The following IGSF11 variants were observed in gnomAD, a reference collection of about 807,000 sequenced individuals.
IGSF11 encodes the protein CXADR like 1.
A neutral mutation model predicts 41.0 loss-of-function variants in IGSF11; 22 were observed. The observed-to-expected ratio is 0.54, with a 90% CI of 0.38 to 0.77. The LOEUF (loss-of-function observed/expected upper bound fraction) is 0.77. Ranked by LOEUF, IGSF11 falls within the 30% of genes least tolerant of loss-of-function variation. The pLI, the probability that IGSF11 is intolerant of heterozygous loss-of-function variation, is 0.00. For missense variants in IGSF11, 444 were observed against 530.8 expected, an observed-to-expected ratio of 0.84 and a Z score of 1.61; for synonymous variants, 219 against 201.3, an observed-to-expected ratio of 1.09 and a Z score of -0.74.
chr3:119,034,911 A>G (rs997873438), upstream of IGSF11: 5 of 994,324 alleles, frequency 5.0e-6, no homozygotes, highest in Non-Finnish European at 6.3e-6. Context: ...CTCCAGCCGC[A>G]GCTCGGCTCC....
chr3:119,127,402 T>C (rs577540743), intron 1 of IGSF11, among the ~76,000 whole-genome samples: 28 of 151,956 alleles, frequency 1.8e-4, no homozygotes, highest in African/African-American at 6.3e-4. Context: ...CTACGATTGA[T>C]TGGAGTACCA....
intron 1 of IGSF11, among the ~76,000 whole-genome samples, chr3:119,055,407 C>A (rs1941791184): frequency 6.6e-6 from 1 of 152,140 alleles, no homozygotes; most frequent in African/African-American, 2.4e-5. Flanking sequence ...ATCAATTCAA[C>A]AAGAAGAGCT....
intron 1 of IGSF11, among the ~76,000 whole-genome samples, chr3:119,051,452 A>G (rs2107435922): frequency 6.6e-6 from 1 of 152,310 alleles, no homozygotes; most frequent in East Asian, 1.9e-4. Context: ...ACATGCACCT[A>G]ACACTGGATC....
intron 1 of IGSF11, among the ~76,000 whole-genome samples, chr3:118,963,977 T>G (rs1340418651): frequency 2.0e-5 from 3 of 152,156 alleles, no homozygotes; most frequent in African/African-American, 4.8e-5. Flanking sequence ...GTCTAAGCAA[T>G]GTTTTTTAGG....
Position 119,034,669 on chromosome 3 carries a change from G to T in IGSF11, c.-87C>A, listed in dbSNP as rs1264177377. ...CGGGCGTGAGTCTCCGCGCTCTTGGGGCAGCCTGGTCCTCCCACACCCAGC... is the reference window on the plus strand; with the variant it reads ...CGGGCGTGAGTCTCCGCGCTCTTGGTGCAGCCTGGTCCTCCCACACCCAGC... On this transcript the variant is annotated 5_prime_UTR_variant, in exon 1 of 7. Transcript: ENST00000393775. 1.0e-5 allele frequency: 15 copies of T among 1,453,374 alleles called. No individual in the cohort carries two copies. The highest frequency in any genetic ancestry group is 1.3e-5 in the Non-Finnish European group (14 of 1,094,716). The allele number at this position is 1,453,374 out of a possible 1,614,324, so 90.0% of individuals were successfully genotyped here. A position where few individuals can be genotyped will look rare whatever the true frequency, so the allele number is the denominator to read the frequency against.
chr3:118,960,360 T>C (rs759010623), intron 1 of IGSF11, among the ~76,000 whole-genome samples: 6 of 152,220 alleles, frequency 3.9e-5, no homozygotes, highest in Non-Finnish European at 7.3e-5. Context: ...AAAACTATTA[T>C]ACGGCTATTT....
chr3:118,936,399 T>C (rs1333966245), intron 1 of IGSF11, among the ~76,000 whole-genome samples: 2 of 151,352 alleles, frequency 1.3e-5, no homozygotes, highest in African/African-American at 2.4e-5. Context: ...CCCAGCTACT[T>C]GGGAGGCTGA....
intron 1 of IGSF11, among the ~76,000 whole-genome samples, chr3:118,964,614 G>A (rs187015063): frequency 5.2e-4 from 79 of 152,220 alleles, no homozygotes; most frequent in Non-Finnish European, 8.8e-4. Flanking sequence ...GACTCTGAGC[G>A]TATGGAGTAT....
intron 1 of IGSF11, among the ~76,000 whole-genome samples, chr3:119,080,176 C>G (rs960634001): frequency 8.5e-5 from 13 of 152,206 alleles, no homozygotes; most frequent in African/African-American, 3.1e-4. Flanking sequence ...ATATGACTCT[C>G]TAAACTGCTT....
chr3:119,003,472 T>G (rs1027741286), intron 1 of IGSF11, among the ~76,000 whole-genome samples: 1 of 150,972 alleles, frequency 6.6e-6, no homozygotes, highest in African/African-American at 2.5e-5. Flanking sequence ...TATTTCCTTC[T>G]CCTGCCTGAT....
intron 1 of IGSF11, among the ~76,000 whole-genome samples, chr3:118,966,801 T>C (rs1478188319): frequency 6.6e-6 from 1 of 152,230 alleles, no homozygotes. Flanking sequence ...ATCTAGTTTA[T>C]CCTTTCACAA....
chr3:119,018,285 T>G (rs1367793432), intron 1 of IGSF11, among the ~76,000 whole-genome samples: 1 of 152,212 alleles, frequency 6.6e-6, no homozygotes, highest in Non-Finnish European at 1.5e-5. Context: ...CTGTGTTACC[T>G]GCTCACCTAT....
At chr3:119,078,416 A>G (rs374876639) in intron 1 of IGSF11, among the ~76,000 whole-genome samples, 1 of 152,218 alleles carries the variant, frequency 6.6e-6, no homozygotes, top group Non-Finnish European at 1.5e-5. Context: ...ATAAAGCCAC[A>G]TACCTACAAC....
At chr3:118,905,879 G>A (rs1293340140) in intron 4 of IGSF11, among the ~76,000 whole-genome samples, 161 bp from the exon 5 acceptor site, 1 of 152,136 alleles carries the variant, frequency 6.6e-6, no homozygotes, top group East Asian at 1.9e-4. Flanking sequence ...GAATGTTAAA[G>A]ACTAAAACTA....
chr3:119,052,180 A>G (rs1283809926), intron 1 of IGSF11, among the ~76,000 whole-genome samples: 1 of 152,120 alleles, frequency 6.6e-6, no homozygotes, highest in African/African-American at 2.4e-5. Context: ...AGATAAATGA[A>G]ACAAAAAGAT....
At chr3:118,917,358 T>C (rs1385440274) in intron 4 of IGSF11, among the ~76,000 whole-genome samples, 1 of 149,638 alleles carries the variant, frequency 6.7e-6, no homozygotes, top group Non-Finnish European at 1.5e-5. Flanking sequence ...GATAGACCAC[T>C]AGCAAGACTA....
intron 1 of IGSF11, among the ~76,000 whole-genome samples, chr3:118,953,707 G>A (rs1944753491): frequency 1.3e-5 from 2 of 151,920 alleles, no homozygotes; most frequent in Admixed American, 1.3e-4. Flanking sequence ...GTCTTCTTTG[G>A]CAAATTGTCC....
intron 1 of IGSF11, among the ~76,000 whole-genome samples, chr3:119,049,730 A>G (rs549395186): frequency 3.9e-5 from 6 of 152,108 alleles, no homozygotes; most frequent in African/African-American, 7.2e-5. Flanking sequence ...GAGGCATCAC[A>G]CTACCTGAAT....
intron 1 of IGSF11, among the ~76,000 whole-genome samples, chr3:119,029,725 A>G (rs1414958939): frequency 2.0e-5 from 3 of 152,348 alleles, no homozygotes; most frequent in African/African-American, 7.2e-5. Flanking sequence ...AAATTAGGAC[A>G]CTGTTCTGTT....
Sources: allele counts gnomAD v4.1 joint callset (sites outside exome capture counted in the v4.1 genomes callset), GRCh38; gene constraint gnomAD v4.1.1; transcripts MANE v1.5; gene names NCBI Gene and HGNC (gene_info 2026-07-23, HGNC 2026-07-21).